The following LAMB1 variants were observed in gnomAD, a reference collection of about 807,000 sequenced individuals.
LAMB1 encodes the protein laminin subunit beta-1.
In LAMB1, 121 loss-of-function variants were observed where a neutral mutation model predicts 222.3. The ratio of observed to expected loss-of-function variants is 0.54; its 90% CI spans 0.47 to 0.63. LAMB1 has a LOEUF of 0.63. Ranked by LOEUF, LAMB1 falls within the 30% of genes least tolerant of loss-of-function variation. LAMB1 has a pLI of 0.00. For synonymous variants in LAMB1, 794 were observed against 807.2 expected, an observed-to-expected ratio of 0.98 and a Z score of 0.28; for missense variants, 2,172 against 2,240.8, an observed-to-expected ratio of 0.97 and a Z score of 0.62.
At chr7:107,954,790 C>G (rs2033340379) in intron 21 of LAMB1, among the ~76,000 whole-genome samples, 1 of 151,946 alleles carries the variant, frequency 6.6e-6, no homozygotes, top group Non-Finnish European at 1.5e-5. Context: ...GACCCCGTCT[C>G]AAAAACAAAA....
chr7:107,924,509 G>A, intron 32 of LAMB1, 120 bp from the exon 33 acceptor site: 1 of 649,614 alleles, frequency 1.5e-6, no homozygotes. Flanking sequence ...ATATTCACTG[G>A]TAAGTAATTT....
intron 24 of LAMB1, among the ~76,000 whole-genome samples, chr7:107,950,703 A>C (rs1584499028): frequency 1.3e-5 from 2 of 152,240 alleles, no homozygotes; most frequent in Non-Finnish European, 2.9e-5. Context: ...ATGTTATCTT[A>C]CACACATACG....
intron 8 of LAMB1, among the ~76,000 whole-genome samples, chr7:107,980,014 C>A (rs569056377): frequency 5.5e-4 from 84 of 152,178 alleles, no homozygotes; most frequent in African/African-American, 1.9e-3. Flanking sequence ...TTGAGATCAG[C>A]CTAGCCAACA....
intron 33 of LAMB1, 28 bp downstream of exon 33, chr7:107,924,202 A>G: frequency 6.4e-7 from 1 of 1,572,002 alleles, no homozygotes; most frequent in Non-Finnish European, 8.6e-7. Context: ...AAGTAATTTA[A>G]AAAATAAGCC....
At chr7:107,962,807 T>G in intron 15 of LAMB1, 98 bp downstream of exon 15, 1 of 965,702 alleles carries the variant, frequency 1.0e-6, no homozygotes. Context: ...TAATGCAACC[T>G]CCATATTTCA....
chr7:107,977,659 C>T (rs948307217), intron 9 of LAMB1, among the ~76,000 whole-genome samples: 5 of 152,026 alleles, frequency 3.3e-5, no homozygotes, highest in Non-Finnish European at 7.4e-5. Flanking sequence ...GGCATGGTGG[C>T]GCGTGCCTGT....
intron 5 of LAMB1, among the ~76,000 whole-genome samples, chr7:107,989,700 C>T (rs946542116): frequency 8.5e-5 from 13 of 152,290 alleles, no homozygotes; most frequent in African/African-American, 2.9e-4. Flanking sequence ...GCAAACTCCC[C>T]GTGAGAGCCT....
chr7:107,956,714 C>T (rs1286706596), intron 20 of LAMB1, among the ~76,000 whole-genome samples: 1 of 152,196 alleles, frequency 6.6e-6, no homozygotes, highest in Admixed American at 6.5e-5. Context: ...GTGCTATAAC[C>T]CAGCTTTTCC....
intron 9 of LAMB1, among the ~76,000 whole-genome samples, chr7:107,977,334 C>T (rs1422929726): frequency 6.6e-6 from 1 of 152,128 alleles, no homozygotes. Context: ...GCTACATCTC[C>T]ACCCGGAGAA....
At chr7:107,931,685 T>G (rs2032715115) in intron 28 of LAMB1, 185 bp from the exon 29 acceptor site, 1 of 604,008 alleles carries the variant, frequency 1.7e-6, no homozygotes, top group Non-Finnish European at 2.9e-6. Flanking sequence ...AGTATAGAGA[T>G]TCCTAAACAG....
chr7:108,001,897 G>T (rs139532877), intron 2 of LAMB1, 164 bp from the exon 3 acceptor site: 4 of 1,467,440 alleles, frequency 2.7e-6, no homozygotes, highest in Non-Finnish European at 3.6e-6. Context: ...CGCAGGAGAG[G>T]CTGGGAAGGC....
At chr7:107,940,404 C>T in intron 24 of LAMB1, 46 bp from the exon 25 acceptor site, 1 of 1,569,240 alleles carries the variant, frequency 6.4e-7, no homozygotes, top group African/African-American at 1.3e-5. Flanking sequence ...AATCATGAAC[C>T]TCAGTGACAA....
At chr7:107,982,530 G>A (rs779357041) in intron 7 of LAMB1, among the ~76,000 whole-genome samples, 90 of 152,202 alleles carry the variant, frequency 5.9e-4, no homozygotes, top group Admixed American at 3.3e-4. Flanking sequence ...CCAACTGAAT[G>A]GCAGTTATGA....
chr7:107,958,093 T>A (rs1333529038), intron 20 of LAMB1, among the ~76,000 whole-genome samples: 3 of 152,226 alleles, frequency 2.0e-5, no homozygotes, highest in African/African-American at 7.2e-5. Context: ...TCCCTGTTAA[T>A]CTTTTTCTCA....
Position 107,923,999 on chromosome 7 carries a change from G to A in LAMB1, c.5313C>T (p.Leu1771=). The A allele has an allele frequency of 6.2e-7, 1 of 1,605,714 alleles. No individual in the cohort carries two copies. Among genetic ancestry groups the A allele is most frequent in the Non-Finnish European group, 8.5e-7 (1 of 1,178,060 alleles). ...LARLEGEVRS[L]LKDISQKVAV... is the part of the protein sequence containing the mutation. ...CAACTTTCTGGCTTATATCCTTTAGGAGTGAACGGACTTCTCCTTCCAGTC... is the reference window on the plus strand; with the variant it reads ...CAACTTTCTGGCTTATATCCTTTAGAAGTGAACGGACTTCTCCTTCCAGTC... Residue 1771 remains leucine (L), a synonymous_variant, in exon 34 of 34, where the codon CTC becomes CTT. Coordinates refer to ENST00000222399, the MANE Select transcript of LAMB1 (RefSeq NM_002291.3).
chr7:107,955,960 C>T (rs916045056), intron 20 of LAMB1, among the ~76,000 whole-genome samples: 2 of 152,160 alleles, frequency 1.3e-5, no homozygotes, highest in Non-Finnish European at 2.9e-5. Flanking sequence ...TGCAGTGGCA[C>T]GATCTCAGCA....
intron 5 of LAMB1, among the ~76,000 whole-genome samples, chr7:107,994,575 G>T (rs936343719): frequency 6.6e-6 from 1 of 152,180 alleles, no homozygotes; most frequent in African/African-American, 2.4e-5. Context: ...TTACTCTCCA[G>T]ATGTTTTATT....
chr7:107,926,336 A>C lies in LAMB1; in HGVS notation c.4911T>G (p.Ser1637=). 2.5e-6 allele frequency: 4 copies of C among 1,613,850 alleles called. No individual in the cohort carries two copies. Among genetic ancestry groups the C allele is most frequent in the Non-Finnish European group, 3.4e-6 (4 of 1,179,806 alleles). Residue 1637 remains serine, a synonymous_variant, in exon 32 of 34, where the codon TCT becomes TCG. Coordinates refer to ENST00000222399, the MANE Select transcript of LAMB1 (RefSeq NM_002291.3). The part of the protein sequence containing the change: ...LTSIESETAA[S]EETLFNASQR... ...GGGACGCGTTGAACAAGGTTTCCTC[A>C]GAAGCTGCTGTTTCAGACTCAATCT...
intron 13 of LAMB1, among the ~76,000 whole-genome samples, chr7:107,971,023 C>T (rs530652291): frequency 4.6e-5 from 7 of 152,314 alleles, no homozygotes; most frequent in East Asian, 1.9e-4. Flanking sequence ...TGAGCCAACG[C>T]GCCTGGCCAC....
Sources: gnomAD v4.1 joint callset for allele counts (sites outside exome capture counted in the v4.1 genomes callset) on GRCh38, gnomAD v4.1.1 for gene constraint, MANE v1.5 for transcripts, NCBI Gene and HGNC (gene_info 2026-07-23, HGNC 2026-07-21) for gene names.